Variants in RBFOX1 observed in about 807,000 individuals in gnomAD.
RBFOX1 encodes RNA binding fox-1 homolog 1.
In RBFOX1, 8 loss-of-function variants were observed where a neutral mutation model predicts 57.7. That is an observed-to-expected ratio of 0.14 (90% confidence interval 0.08 to 0.25). RBFOX1 has a LOEUF of 0.25. Among genes scored for constraint, RBFOX1 ranks in the 10% least tolerant of loss-of-function variants. The probability of loss-of-function intolerance (pLI) is 1.00; values close to 1 mark genes in which losing one functional copy is unlikely to be tolerated. For synonymous variants in RBFOX1, 326 were observed against 222.4 expected (o/e 1.47, Z -4.15); for missense variants, 611 against 548.5 (o/e 1.11, Z -1.14).
At chr16:6,001,779 C>G (rs963712135) in intron 4 of RBFOX1, among the ~76,000 whole-genome samples, 2 of 151,946 alleles carry the variant, frequency 1.3e-5, no homozygotes, top group Non-Finnish European at 1.5e-5. Context: ...ATGACAGAAG[C>G]CATGAGGGTG....
At chr16:6,333,315 G>A (rs1456805152) in intron 2 of RBFOX1, among the ~76,000 whole-genome samples, 2 of 152,216 alleles carry the variant, frequency 1.3e-5, no homozygotes, top group African/African-American at 4.8e-5. Context: ...AAAGCGCTGG[G>A]ATGACAGGTG....
intron 3 of RBFOX1, among the ~76,000 whole-genome samples, chr16:6,831,089 C>T (rs1280028211): frequency 6.6e-6 from 1 of 152,174 alleles, no homozygotes; most frequent in African/African-American, 2.4e-5. Context: ...TAAAGTAAAG[C>T]TGGATAGATT....
intron 1 of RBFOX1, among the ~76,000 whole-genome samples, chr16:5,441,005 A>C (rs1296949549): frequency 6.6e-6 from 1 of 152,160 alleles, no homozygotes; most frequent in Non-Finnish European, 1.5e-5. Flanking sequence ...ATTTTAATGG[A>C]AGTAGCTTTT....
Position 5,581,144 on chromosome 16 carries a change from C to T in RBFOX1, c.259-17758C>T, listed in dbSNP as rs540545556. On this transcript the variant is annotated intron_variant, in intron 2 of 2. Coordinates refer to the RBFOX1 transcript ENST00000585867. ...AGATCCAGAGGAGAAGGGGGCAGGG[C>T]TTTCTTGGACTCCTATGTGCATTTT... Among the ~76,000 whole-genome samples, 4 of 152,210 alleles carry T rather than the reference C, an allele frequency of 2.6e-5. No homozygotes were observed. In the East Asian group the frequency reaches 7.7e-4, roughly 29 times the overall value.
chr16:6,979,867 G>A (rs962565728), intron 3 of RBFOX1, among the ~76,000 whole-genome samples: 1 of 152,114 alleles, frequency 6.6e-6, no homozygotes, highest in African/African-American at 2.4e-5. Context: ...TTTGCTTTGT[G>A]AGCCTCCTGG....
At chr16:7,385,839 C>T (rs142302364) in intron 4 of RBFOX1, among the ~76,000 whole-genome samples, 2,450 of 152,074 alleles carry the variant, frequency 0.016, 74 homozygotes, top group African/African-American at 0.056. Flanking sequence ...CTGCAACCTC[C>T]GCCTCCTGGG....
At position 5,530,933 on chromosome 16, in the gene RBFOX1, T is replaced by TAAAAAAAAAAAAAAA. The variant is rs59311923; in HGVS notation, c.258+63707_258+63721dup. ...CGAAACCCTGTCTCTACTAAAAATA[T>TAAAAAAAAAAAAAAA]AAAAAAAAAAAAAAAAAAAAAAAAA... is the stretch of plus-strand genomic sequence containing the variant. On this transcript the variant is annotated intron_variant, in intron 2 of 2. Transcript: ENST00000585867. 1.6e-4 allele frequency among the ~76,000 whole-genome samples: 9 copies of TAAAAAAAAAAAAAAA among 54,994 alleles called. 1 individual carries two copies. The highest frequency in any genetic ancestry group is 2.2e-4 in the Non-Finnish European group (7 of 32,060). 36.1% of individuals were successfully genotyped at this position (54,994 alleles called of 152,430 possible).
intron 11 of RBFOX1, 115 bp downstream of exon 11, chr16:7,630,798 C>G: frequency 6.7e-7 from 1 of 1,495,940 alleles, no homozygotes; most frequent in South Asian, 1.3e-5. Flanking sequence ...TTGTGGCTCT[C>G]TCTGAGGTGA....
At chr16:5,960,327 G>C (rs937417851) in intron 4 of RBFOX1, among the ~76,000 whole-genome samples, 1 of 152,174 alleles carries the variant, frequency 6.6e-6, no homozygotes, top group African/African-American at 2.4e-5. Flanking sequence ...GCTGAAAGAA[G>C]TTATTATTTA....
intron 1 of RBFOX1, among the ~76,000 whole-genome samples, chr16:5,307,138 T>G (rs1348838387): frequency 6.6e-6 from 1 of 151,974 alleles, no homozygotes; most frequent in Non-Finnish European, 1.5e-5. Flanking sequence ...AGCAATGGAG[T>G]TGGCTACTCG....
intron 4 of RBFOX1, among the ~76,000 whole-genome samples, chr16:7,363,999 A>G (rs1442363517): frequency 6.6e-6 from 1 of 152,196 alleles, no homozygotes; most frequent in African/African-American, 2.4e-5. Flanking sequence ...TTGAACAGGA[A>G]GACAGCAAGA....
At chr16:5,689,920 C>G (rs1209241782) in intron 3 of RBFOX1, among the ~76,000 whole-genome samples, 4 of 152,178 alleles carry the variant, frequency 2.6e-5, no homozygotes, top group African/African-American at 9.7e-5. Context: ...AGGAAGGTCT[C>G]TCTGAAGTAT....
At chr16:6,074,239 C>CAT (rs2095869810) in intron 1 of RBFOX1, among the ~76,000 whole-genome samples, 1 of 152,170 alleles carries the variant, frequency 6.6e-6, no homozygotes, top group Non-Finnish European at 1.5e-5. Flanking sequence ...TGAGCCACAG[C>CAT]GCCCGGCCAT....
At chr16:7,356,176 C>T (rs951132260) in intron 4 of RBFOX1, among the ~76,000 whole-genome samples, 1 of 152,158 alleles carries the variant, frequency 6.6e-6, no homozygotes, top group African/African-American at 2.4e-5. Context: ...GCATTGATTC[C>T]ATGCTAGGCA....
chr16:5,835,486 A>G (rs1200958358), intron 3 of RBFOX1, among the ~76,000 whole-genome samples: 3 of 152,192 alleles, frequency 2.0e-5, no homozygotes, highest in Non-Finnish European at 4.4e-5. Context: ...CTTTGTAGGT[A>G]TCAACATCCT....
intron 6 of RBFOX1, among the ~76,000 whole-genome samples, chr16:7,584,736 T>C (rs1205788934): frequency 6.6e-6 from 1 of 152,238 alleles, no homozygotes; most frequent in Non-Finnish European, 1.5e-5. Flanking sequence ...ATGTGCCAGC[T>C]GTGTTTACAT....
chr16:7,252,286 A>G (rs559704758), intron 4 of RBFOX1, among the ~76,000 whole-genome samples: 1 of 152,322 alleles, frequency 6.6e-6, no homozygotes, highest in East Asian at 1.9e-4. Context: ...CTTTTCCTCC[A>G]TTGACTTGAA....
chr16:5,338,172 G>A (rs1162736778), intron 1 of RBFOX1, among the ~76,000 whole-genome samples: 1 of 152,182 alleles, frequency 6.6e-6, no homozygotes, highest in Admixed American at 6.5e-5. Context: ...CACCTGCTAG[G>A]CTGCAAGTTG....
At chr16:6,959,598 C>A (rs180930269) in intron 3 of RBFOX1, among the ~76,000 whole-genome samples, 2 of 152,120 alleles carry the variant, frequency 1.3e-5, no homozygotes, top group African/African-American at 4.8e-5. Flanking sequence ...ACAGGCAGGC[C>A]TCTGTAACAA....
Sources: gnomAD v4.1 joint callset for allele counts (sites outside exome capture counted in the v4.1 genomes callset) on GRCh38, gnomAD v4.1.1 for gene constraint, MANE v1.5 for transcripts, NCBI Gene and HGNC (gene_info 2026-07-23, HGNC 2026-07-21) for gene names.